Variants in GALNT13 observed in about 807,000 individuals in gnomAD.
GALNT13 encodes UDP-GalNAc:polypeptide N-acetylgalactosaminyltransferase 13.
Under a neutral mutation model 64.2 loss-of-function variants are expected in GALNT13, and 28 were observed. The observed-to-expected ratio is 0.44, with a 90% CI of 0.32 to 0.60. GALNT13 has a LOEUF of 0.60. Ranked by LOEUF, GALNT13 falls within the 20% of genes least tolerant of loss-of-function variation. The pLI is 0.05. For missense variants in GALNT13, 577 were observed against 669.8 expected (o/e 0.86, Z 1.53); for synonymous variants, 214 against 224.6 (o/e 0.95, Z 0.42).
intron 3 of GALNT13, among the ~76,000 whole-genome samples, chr2:154,035,950 A>G (rs1698636835): frequency 6.6e-6 from 1 of 151,994 alleles, no homozygotes; most frequent in Non-Finnish European, 1.5e-5. Context: ...ATAGACTTAT[A>G]TCTTTTAGAA....
At chr2:153,587,385 A>G in the GALNT13 span, among the ~76,000 whole-genome samples, 3 of 152,184 alleles carry the variant, frequency 2.0e-5, no homozygotes, top group Admixed American at 2.0e-4. Flanking sequence ...TGATAAAAAC[A>G]TACCTGATAT....
chr2:153,620,991 T>C, the GALNT13 span, among the ~76,000 whole-genome samples: 2 of 152,126 alleles, frequency 1.3e-5, no homozygotes, highest in Non-Finnish European at 2.9e-5. Context: ...CCAGTAACAC[T>C]GTGTTTCTTG....
At chr2:153,884,987 C>T (rs748360106) in intron 1 of GALNT13, among the ~76,000 whole-genome samples, 5 of 148,730 alleles carry the variant, frequency 3.4e-5, no homozygotes, top group Non-Finnish European at 7.4e-5. Context: ...TGCAGTGAGC[C>T]GAGATTGCAC....
chr2:154,415,044 AGTACCATCTATTC>A (rs1445202934), intron 11 of GALNT13, among the ~76,000 whole-genome samples: 6 of 151,764 alleles, frequency 4.0e-5, no homozygotes, highest in Non-Finnish European at 7.4e-5. Context: ...ATGCATCTGT[AGTACCATCTATTC>A]AGAAGGCTAA....
chr2:154,303,400 C>A (rs1015429103), intron 9 of GALNT13, among the ~76,000 whole-genome samples: 1 of 152,058 alleles, frequency 6.6e-6, no homozygotes, highest in Non-Finnish European at 1.5e-5. Context: ...ACTCCACTGG[C>A]GCCATCTTGT....
intron 8 of GALNT13, among the ~76,000 whole-genome samples, chr2:154,260,432 T>C (rs528520086): frequency 3.3e-5 from 5 of 152,318 alleles, no homozygotes; most frequent in African/African-American, 1.2e-4. Flanking sequence ...CTTGGATAAA[T>C]TATTTTAAAA....
chr2:153,246,634 G>A, the GALNT13 span, among the ~76,000 whole-genome samples: 1 of 152,134 alleles, frequency 6.6e-6, no homozygotes, highest in East Asian at 1.9e-4. Context: ...GCTTACAAGA[G>A]CTCCTGAAGA....
chr2:154,181,894 G>C (rs1034657627), intron 4 of GALNT13, among the ~76,000 whole-genome samples: 2 of 151,652 alleles, frequency 1.3e-5, no homozygotes, highest in African/African-American at 4.8e-5. Flanking sequence ...AACATTATTA[G>C]ATTTTCTCTC....
At chr2:153,734,668 G>C in the GALNT13 span, among the ~76,000 whole-genome samples, 1 of 152,114 alleles carries the variant, frequency 6.6e-6, no homozygotes, top group African/African-American at 2.4e-5. Flanking sequence ...TTTCCTTTTA[G>C]GAGAAGCAAT....
At chr2:154,223,102 T>C (rs7588997) in intron 4 of GALNT13, among the ~76,000 whole-genome samples, 45 of 152,202 alleles carry the variant, frequency 3.0e-4, no homozygotes, top group African/African-American at 9.9e-4. Context: ...GGGATTTCTT[T>C]AGCATATAAA....
the GALNT13 span, among the ~76,000 whole-genome samples, chr2:153,190,751 C>G: frequency 6.6e-6 from 1 of 151,912 alleles, no homozygotes; most frequent in Non-Finnish European, 1.5e-5. Context: ...TCTTCGATTT[C>G]TTTCATTAGT....
chr2:153,373,723 A>G, the GALNT13 span, among the ~76,000 whole-genome samples: 1 of 152,176 alleles, frequency 6.6e-6, no homozygotes, highest in Non-Finnish European at 1.5e-5. Context: ...CATAACCATT[A>G]AAGAATAACT....
At chr2:153,773,746 A>G in the GALNT13 span, among the ~76,000 whole-genome samples, 2 of 152,192 alleles carry the variant, frequency 1.3e-5, no homozygotes, top group African/African-American at 4.8e-5. Flanking sequence ...ATGGCATCAT[A>G]ATAGGCTGTG....
chr2:153,673,546 A>G, the GALNT13 span, among the ~76,000 whole-genome samples: 1 of 152,344 alleles, frequency 6.6e-6, no homozygotes, highest in South Asian at 2.1e-4. Context: ...GTAGGTATTG[A>G]TAGAACGTAT....
the GALNT13 span, among the ~76,000 whole-genome samples, chr2:153,442,595 A>T: frequency 6.6e-6 from 1 of 152,120 alleles, no homozygotes; most frequent in Non-Finnish European, 1.5e-5. Flanking sequence ...CTTGGTTGAT[A>T]AATTACTGCC....
the GALNT13 span, among the ~76,000 whole-genome samples, chr2:153,076,228 A>T: frequency 1.1e-4 from 17 of 152,180 alleles, no homozygotes; most frequent in African/African-American, 3.6e-4. Flanking sequence ...GCTACTAGCA[A>T]TAAGTGAGAG....
chr2:153,576,481 C>T, the GALNT13 span, among the ~76,000 whole-genome samples: 1 of 152,186 alleles, frequency 6.6e-6, no homozygotes, highest in Non-Finnish European at 1.5e-5. Context: ...AATGCTCCCT[C>T]CATGGGCGGT....
At chr2:154,197,809 C>A (rs1686959162) in intron 4 of GALNT13, among the ~76,000 whole-genome samples, 1 of 150,060 alleles carries the variant, frequency 6.7e-6, no homozygotes, top group South Asian at 2.1e-4. Context: ...ACAGATTAAT[C>A]CAGAACATAC....
chr2:153,870,049 A>C (rs1685826050), upstream of GALNT13, among the ~76,000 whole-genome samples: 1 of 151,898 alleles, frequency 6.6e-6, no homozygotes, highest in Non-Finnish European at 1.5e-5. Flanking sequence ...GCCACACCAG[A>C]CAAGTGAGTG....
Sources: gnomAD v4.1 joint callset for allele counts (sites outside exome capture counted in the v4.1 genomes callset) on GRCh38, gnomAD v4.1.1 for gene constraint, MANE v1.5 for transcripts, NCBI Gene and HGNC (gene_info 2026-07-23, HGNC 2026-07-21) for gene names.